Variants in CMIP observed in about 807,000 individuals in gnomAD.
The protein encoded by CMIP is C-Maf-inducing protein.
In CMIP, 13 loss-of-function variants were observed where a neutral mutation model predicts 97.3. The observed-to-expected ratio is 0.13, with a 90% CI of 0.09 to 0.21. The LOEUF (loss-of-function observed/expected upper bound fraction) is 0.21. Ranked by LOEUF, CMIP falls within the 10% of genes least tolerant of loss-of-function variation. The pLI, the probability that CMIP is intolerant of heterozygous loss-of-function variation, is 1.00. For synonymous variants in CMIP, 538 were observed against 436.3 expected, an observed-to-expected ratio of 1.23 and a Z score of -2.91; for missense variants, 847 against 1,024.9, an observed-to-expected ratio of 0.83 and a Z score of 2.37.
At chr16:81,546,979 G>A (rs2090558696) in intron 1 of CMIP, among the ~76,000 whole-genome samples, 1 of 152,154 alleles carries the variant, frequency 6.6e-6, no homozygotes, top group Non-Finnish European at 1.5e-5. Flanking sequence ...GTGCTGGGCT[G>A]CAAAGGCCAC....
intron 1 of CMIP, among the ~76,000 whole-genome samples, chr16:81,542,516 C>A (rs902916879): frequency 2.6e-5 from 4 of 152,046 alleles, no homozygotes; most frequent in Admixed American, 2.0e-4. Context: ...TTTTTCTGGA[C>A]CTTCATCTGA....
intron 1 of CMIP, among the ~76,000 whole-genome samples, chr16:81,526,399 C>T (rs77013497): frequency 1.7e-3 from 259 of 152,288 alleles, no homozygotes; most frequent in African/African-American, 5.9e-3. Flanking sequence ...GTGACTTAGT[C>T]ATCAATAGAA....
intron 1 of CMIP, among the ~76,000 whole-genome samples, chr16:81,488,475 A>G (rs530337720): frequency 6.6e-6 from 1 of 152,160 alleles, no homozygotes; most frequent in East Asian, 1.9e-4. Context: ...GCTGTTAGCC[A>G]TCATTGTAGT....
intron 1 of CMIP, among the ~76,000 whole-genome samples, chr16:81,593,614 G>T (rs978036357): frequency 6.6e-6 from 1 of 152,146 alleles, no homozygotes; most frequent in Non-Finnish European, 1.5e-5. Context: ...CTTTTTTCTT[G>T]TTGAGGCTTG....
rs116333085 is a variant in CMIP at position 81,520,899 on chromosome 16, C to T, written c.300+75358C>T. ...GCCTAATCCTGGTGCCTGGGTCTCC[C>T]GTAGGAGCTGCTGTCGTGAGTGTGT... is the stretch of plus-strand genomic sequence containing the variant. On this transcript the variant is annotated intron_variant, in intron 1 of 20. Coordinates refer to ENST00000537098, the MANE Select transcript of CMIP (RefSeq NM_198390.3). Among the ~76,000 whole-genome samples, 1,050 of 152,176 alleles carry T rather than the reference C, an allele frequency of 6.9e-3. 13 individuals are homozygous for T. The highest frequency in any genetic ancestry group is 0.024 in the African/African-American group (1,000 of 41,488).
At chr16:81,682,209 T>C (rs967381594) in intron 10 of CMIP, among the ~76,000 whole-genome samples, 1 of 150,634 alleles carries the variant, frequency 6.6e-6, no homozygotes, top group African/African-American at 2.4e-5. Flanking sequence ...ATCTCAATAA[T>C]AAAAGCGTGA....
At position 81,678,628 on chromosome 16, in the gene CMIP, T is replaced by G; in HGVS notation, c.1388T>G (p.Leu463Arg). ...TGCTACGTGGAAATCCTCAAGCTGC[T>G]GTGAGTGCCCCCCCCGCGTGCCCGC... ...LGCYVEILKL[L>R]SDYDDWRPSL... Residue 463 changes from leucine (L) to arginine (R), a missense_variant and splice_region_variant, in exon 10 of 21, where the codon CTG (leucine) becomes CGG (arginine). This residue lies in a region of CMIP where 202 missense variants were observed against 168.7 expected (regional missense o/e 1.20). Transcript: ENST00000537098. 1 of 1,503,816 alleles carries G rather than the reference T, an allele frequency of 6.6e-7. No individual in the cohort carries two copies. Among genetic ancestry groups the G allele is most frequent in the Non-Finnish European group, 9.1e-7 (1 of 1,095,010 alleles). The allele number at this position is 1,503,816 out of a possible 1,614,324, so 93.2% of individuals were successfully genotyped here.
intron 11 of CMIP, among the ~76,000 whole-genome samples, chr16:81,692,649 G>A (rs537827548): frequency 1.1e-4 from 17 of 152,170 alleles, no homozygotes; most frequent in South Asian, 4.1e-4. Context: ...ACTTGAGGCC[G>A]GAGAAATCCA....
In CMIP at chr16:81,550,302, C is replaced by T. The variant is rs147237861; in HGVS notation, c.301-57265C>T. Among the ~76,000 whole-genome samples the T allele has an allele frequency of 1.7e-3, 259 of 152,332 alleles. 1 individual carries two copies. The highest frequency in any genetic ancestry group is 6.0e-3 in the African/African-American group (249 of 41,574). On this transcript the variant is annotated intron_variant, in intron 1 of 20. Transcript: ENST00000537098. Reference sequence around the variant, plus strand: ...TGAAATGGGAGAATAAGGAACAGCACTGGTGTGGAGTGGCATTGAAGGTCA... The same window carrying T: ...TGAAATGGGAGAATAAGGAACAGCATTGGTGTGGAGTGGCATTGAAGGTCA...
chr16:81,501,800 C>T (rs1015353992), intron 1 of CMIP, among the ~76,000 whole-genome samples: 7 of 152,090 alleles, frequency 4.6e-5, no homozygotes, highest in South Asian at 4.1e-4. Flanking sequence ...TTAGTAGAGT[C>T]GGGATTTCAC....
chr16:81,607,360 G>A (rs2091761017), intron 1 of CMIP, among the ~76,000 whole-genome samples: 1 of 152,208 alleles, frequency 6.6e-6, no homozygotes, highest in South Asian at 2.1e-4. Context: ...ACGTGTGGGT[G>A]GAGTTTTACA....
At chr16:81,462,892 AG>A (rs1906977365) in intron 1 of CMIP, among the ~76,000 whole-genome samples, 1 of 152,226 alleles carries the variant, frequency 6.6e-6, no homozygotes, top group Non-Finnish European at 1.5e-5. Context: ...TGTAAAGCAG[AG>A]GGACAGAGTG....
At chr16:81,681,226 ACT>A (rs1469881088) in intron 10 of CMIP, among the ~76,000 whole-genome samples, 1 of 152,170 alleles carries the variant, frequency 6.6e-6, no homozygotes, top group Non-Finnish European at 1.5e-5. Context: ...GGGCCTGATA[ACT>A]GTATTTTCCC....
intron 1 of CMIP, among the ~76,000 whole-genome samples, chr16:81,498,176 G>A (rs1030628059): frequency 2.0e-5 from 3 of 152,178 alleles, no homozygotes; most frequent in Admixed American, 1.3e-4. Context: ...CATAGAACTC[G>A]GCTTCCTTGT....
rs138443214 is a variant in CMIP, at chr16:81,695,025, G to A, written c.1531-1535G>A. ...CCTTAATTCAAACCCAGCCTTTGACGCTGGGAGAACAAAAGTGGCATCAGC... is the reference window on the plus strand; with the variant it reads ...CCTTAATTCAAACCCAGCCTTTGACACTGGGAGAACAAAAGTGGCATCAGC... On this transcript the variant is annotated intron_variant, in intron 13 of 20. Coordinates refer to ENST00000537098, the MANE Select transcript of CMIP (RefSeq NM_198390.3). 4.5e-3 allele frequency among the ~76,000 whole-genome samples: 689 copies of A among 152,294 alleles called. 14 individuals carry two copies. Among genetic ancestry groups the A allele is most frequent in the African/African-American group, 0.016 (652 of 41,572 alleles).
chr16:81,675,781 T>C (rs540251645), intron 9 of CMIP, among the ~76,000 whole-genome samples: 31 of 152,202 alleles, frequency 2.0e-4, no homozygotes, highest in African/African-American at 7.0e-4. Context: ...GGGCCATGAA[T>C]AGCCAGCTTC....
At chr16:81,483,504 A>C (rs1233611842) in intron 1 of CMIP, among the ~76,000 whole-genome samples, 2 of 152,198 alleles carry the variant, frequency 1.3e-5, no homozygotes, top group African/African-American at 4.8e-5. Context: ...TAATACATTC[A>C]GGAAAGTGGC....
intron 9 of CMIP, among the ~76,000 whole-genome samples, chr16:81,676,291 G>A (rs774289221): frequency 3.3e-5 from 5 of 151,904 alleles, no homozygotes; most frequent in African/African-American, 9.7e-5. Context: ...AACACGTTTC[G>A]TGGGCTCAGG....
chr16:81,510,021 C>G (rs1427022489), intron 1 of CMIP, among the ~76,000 whole-genome samples: 1 of 152,202 alleles, frequency 6.6e-6, no homozygotes, highest in Non-Finnish European at 1.5e-5. Flanking sequence ...ATTTTCTGAT[C>G]AATTTCCATC....
Sources: allele counts gnomAD v4.1 joint callset (sites outside exome capture counted in the v4.1 genomes callset), GRCh38; gene constraint gnomAD v4.1.1; regional missense constraint gnomAD v4.1.1; transcripts MANE v1.5; gene names NCBI Gene and HGNC (gene_info 2026-07-23, HGNC 2026-07-21).